The following SYNE3 variants were observed in gnomAD, a reference collection of about 807,000 sequenced individuals.
SYNE3 encodes spectrin repeat containing nuclear envelope family member 3, also known as nesprin-3.
In SYNE3, 100 loss-of-function variants were observed where a neutral mutation model predicts 111.2. The observed-to-expected ratio is 0.90, with a 90% CI of 0.77 to 1.06. The LOEUF is 1.06. SYNE3 is among the 50% of genes least tolerant of loss of function. The pLI is 0.00. For synonymous variants in SYNE3, 547 were observed against 533.9 expected (o/e 1.02, Z -0.34); for missense variants, 1,160 against 1,240.3 (o/e 0.94, Z 0.97).
At chr14:95,497,885 G>C (rs1389236211) in intron 1 of SYNE3, among the ~76,000 whole-genome samples, 1 of 152,120 alleles carries the variant, frequency 6.6e-6, no homozygotes, top group Non-Finnish European at 1.5e-5. Context: ...GCCGGATGCA[G>C]TGCCACGTGC....
intron 1 of SYNE3, among the ~76,000 whole-genome samples, chr14:95,512,009 A>T (rs1890739916): frequency 6.6e-6 from 1 of 152,156 alleles, no homozygotes; most frequent in Non-Finnish European, 1.5e-5. Flanking sequence ...ATATTTCAGG[A>T]TTTTATGATT....
Position 95,417,646 on chromosome 14 carries a change from C to G in SYNE3, c.*180G>C. 1.5e-6 allele frequency: 1 copy of G among 652,634 alleles called. No individual in the cohort carries two copies. The highest frequency in any genetic ancestry group is 1.8e-5 in the African/African-American group (1 of 55,512). 40.4% of individuals were successfully genotyped at this position (652,634 alleles called of 1,614,324 possible). A position where few individuals can be genotyped will look rare whatever the true frequency, so the allele number is the denominator to read the frequency against. On this transcript the variant is annotated 3_prime_UTR_variant, in exon 18 of 18. Transcript: ENST00000682763. ...GTAGTACACATTTAGTATAAATAGA[C>G]TAAGACAACACTGTATAAAAAGTAA...
intron 14 of SYNE3, chr14:95,437,988 A>C (rs1426085567): frequency 6.6e-6 from 1 of 152,180 alleles, no homozygotes; most frequent in Non-Finnish European, 1.5e-5. Flanking sequence ...GCCTATCCCG[A>C]GAGCTTGTTA....
rs118186939 is a variant in SYNE3, at chr14:95,466,935, G to A, written c.318-695C>T. Among the ~76,000 whole-genome samples the A allele has an allele frequency of 3.9e-5, 6 of 152,324 alleles. No individual in the cohort carries two copies. The East Asian group carries it at 7.7e-4, about 20-fold the overall frequency. ...ACTGACATCTGTGACATCTGCATCTGTGGGCTCGTTGCACCCAATGGGGAC... is the reference window on the plus strand; with the variant it reads ...ACTGACATCTGTGACATCTGCATCTATGGGCTCGTTGCACCCAATGGGGAC... On this transcript the variant is annotated intron_variant, in intron 3 of 17. Coordinates refer to ENST00000682763, the MANE Select transcript of SYNE3 (RefSeq NM_152592.6).
chr14:95,507,744 A>T (rs1254986546), intron 1 of SYNE3, among the ~76,000 whole-genome samples: 1 of 152,226 alleles, frequency 6.6e-6, no homozygotes, highest in Non-Finnish European at 1.5e-5. Flanking sequence ...AAATGACAGA[A>T]ATTAACCTGG....
chr14:95,433,483 T>G lies in SYNE3; in HGVS notation c.2539-74A>C, dbSNP rs187289380. 3.2e-6 allele frequency: 5 copies of G among 1,568,524 alleles called. No individual in the cohort carries two copies. In the East Asian group the frequency reaches 1.1e-4, roughly 35 times the overall value. ...GCCCCACCTGAATGGTAAGGATGGGTCCATCAAATTTCACTTGACAGACAG... is the reference window on the plus strand; with the variant it reads ...GCCCCACCTGAATGGTAAGGATGGGGCCATCAAATTTCACTTGACAGACAG... On this transcript the variant is annotated intron_variant, in intron 15 of 17. Coordinates refer to ENST00000682763, the MANE Select transcript of SYNE3 (RefSeq NM_152592.6).
chr14:95,498,003 G>A (rs964143411), intron 1 of SYNE3, among the ~76,000 whole-genome samples: 1 of 150,766 alleles, frequency 6.6e-6, no homozygotes, highest in East Asian at 1.9e-4. Flanking sequence ...CCTCCAGCCT[G>A]GGTGACAGGA....
At chr14:95,498,154 T>C (rs559547580) in intron 1 of SYNE3, among the ~76,000 whole-genome samples, 4 of 152,194 alleles carry the variant, frequency 2.6e-5, no homozygotes, top group Non-Finnish European at 5.9e-5. Flanking sequence ...GCTTTTAAAG[T>C]TACATTTTAA....
chr14:95,452,337 A>C lies in SYNE3; in HGVS notation c.1184T>G (p.Leu395Arg). The change falls in exon 7 of 18, where the codon CTG becomes CGG. Residue 395 changes from leucine (L) to arginine (R), a missense_variant. Transcript: ENST00000682763. ...GATGAGCTCCTTCAGCTGGGCTTGC[A>C]GCCGGTCCACCCGGGGCTCCTCCGA... ...LASEEPRVDR[L>R]QAQLKELIVF... 2.5e-6 allele frequency: 4 copies of C among 1,613,824 alleles called. No homozygotes were observed. Among genetic ancestry groups the C allele is most frequent in the Non-Finnish European group, 3.4e-6 (4 of 1,179,936 alleles).
At chr14:95,477,389 T>C (rs17092484) in intron 1 of SYNE3, among the ~76,000 whole-genome samples, 13,344 of 152,242 alleles carry the variant, frequency 0.088, 1,266 homozygotes, top group African/African-American at 0.24. Flanking sequence ...AGGACCACCA[T>C]TGGAAGTTTG....
intron 10 of SYNE3, chr14:95,444,242 G>C (rs1203525026): frequency 4.0e-6 from 2 of 499,028 alleles, no homozygotes; most frequent in African/African-American, 3.9e-5. Flanking sequence ...CTTTGGAACT[G>C]AGGAGTAAAC....
At chr14:95,468,062 C>G in intron 2 of SYNE3, 95 bp from the exon 3 acceptor site, 10 of 1,402,272 alleles carry the variant, frequency 7.1e-6, no homozygotes, top group Non-Finnish European at 8.6e-6. Flanking sequence ...AGCCAGGACT[C>G]GAAGGCCAGA....
In SYNE3 at chr14:95,410,097, A is replaced by T. The variant is rs1231070672; in HGVS notation, c.*7729T>A. On this transcript the variant is annotated 3_prime_UTR_variant, in exon 18 of 18. Coordinates refer to ENST00000682763, the MANE Select transcript of SYNE3 (RefSeq NM_152592.6). The stretch of plus-strand genomic sequence containing the variant: ...GCTGTTCCTGCACAAAAACTCTGGC[A>T]AGCTGGGCAGATCTATTTGTCGGTT... The T allele has an allele frequency of 6.5e-6, 1 of 153,046 alleles. No individual in the cohort carries two copies. The highest frequency in any genetic ancestry group is 1.5e-5 in the Non-Finnish European group (1 of 68,742). 9.5% of individuals were successfully genotyped at this position (153,046 alleles called of 1,614,324 possible).
chr14:95,448,811 C>A (rs1303989067), intron 8 of SYNE3, among the ~76,000 whole-genome samples: 1 of 152,218 alleles, frequency 6.6e-6, no homozygotes, highest in African/African-American at 2.4e-5. Flanking sequence ...CAAGGGTGAG[C>A]AGGGGCCAAC....
At position 95,444,680 on chromosome 14, in the gene SYNE3, G is replaced by A. The variant is rs546491661; in HGVS notation, c.1633-52C>T. The A allele has an allele frequency of 7.3e-6, 11 of 1,512,064 alleles. No individual in the cohort carries two copies. In the East Asian group the frequency reaches 9.4e-5, roughly 13 times the overall value. The allele number at this position is 1,512,064 out of a possible 1,614,324, so 93.7% of individuals were successfully genotyped here. A position where few individuals can be genotyped will look rare whatever the true frequency, so the allele number is the denominator to read the frequency against. On this transcript the variant is annotated intron_variant, in intron 9 of 17. Coordinates refer to ENST00000682763, the MANE Select transcript of SYNE3 (RefSeq NM_152592.6). ...ATTAAGAGCGTTCCTCATGAGCACCGTGTTGTGAGACCCGACCCGTTCAGC... is the reference window on the plus strand; with the variant it reads ...ATTAAGAGCGTTCCTCATGAGCACCATGTTGTGAGACCCGACCCGTTCAGC...
chr14:95,488,851 G>A (rs542117336), intron 1 of SYNE3, among the ~76,000 whole-genome samples: 1 of 152,298 alleles, frequency 6.6e-6, no homozygotes, highest in South Asian at 2.1e-4. Flanking sequence ...AACACTGTAC[G>A]GTCAGTCTTT....
At chr14:95,480,998 C>T (rs61368709) in intron 1 of SYNE3, among the ~76,000 whole-genome samples, 4 of 152,082 alleles carry the variant, frequency 2.6e-5, no homozygotes, top group Admixed American at 6.5e-5. Context: ...CTCCCCACCC[C>T]CGACCCCAGG....
Position 95,500,667 on chromosome 14 carries a change from C to T in SYNE3, c.-15+15929G>A, listed in dbSNP as rs994936750. 5.3e-5 allele frequency among the ~76,000 whole-genome samples: 8 copies of T among 152,180 alleles called. No homozygotes were observed. Among genetic ancestry groups the T allele is most frequent in the Non-Finnish European group, 1.2e-4 (8 of 68,036 alleles). On this transcript the variant is annotated intron_variant, in intron 1 of 17. Transcript: ENST00000682763. The surrounding 1 kb of genome is among the most constrained non-coding windows in gnomAD (Gnocchi z 4.7). Reference sequence around the variant, plus strand: ...GCTGAGCAACCACCTTCATGATTCCCGCTGATCCTCTCCCTGACCACCCGT... The same window carrying T: ...GCTGAGCAACCACCTTCATGATTCCTGCTGATCCTCTCCCTGACCACCCGT...
intron 17 of SYNE3, among the ~76,000 whole-genome samples, chr14:95,429,163 G>A (rs142558587): frequency 5.6e-4 from 85 of 152,314 alleles, no homozygotes; most frequent in African/African-American, 1.8e-3. Context: ...TGGATGTGTC[G>A]TTGCTCCCTT....
Sources: gnomAD v4.1 joint callset for allele counts (sites outside exome capture counted in the v4.1 genomes callset) on GRCh38, gnomAD v4.1.1 for gene constraint, Gnocchi (gnomAD v3.1) non-coding constraint, MANE v1.5 for transcripts, NCBI Gene and HGNC (gene_info 2026-07-23, HGNC 2026-07-21) for gene names.